Variants in PPARD observed in about 807,000 individuals in gnomAD.
The protein encoded by PPARD is peroxisome proliferator-activated receptor delta.
PPARD carries 6 observed loss-of-function variants against 39.5 expected under a neutral mutation model. That is an observed-to-expected ratio of 0.15 (90% CI 0.08 to 0.30). The LOEUF is 0.30. Among genes scored for constraint, PPARD ranks in the 10% least tolerant of loss-of-function variants. The probability of loss-of-function intolerance (pLI) is 1.00; values close to 1 mark genes in which losing one functional copy is unlikely to be tolerated. For synonymous variants in PPARD, 210 were observed against 231.3 expected (o/e 0.91, Z 0.83); for missense variants, 397 against 596.8 (o/e 0.67, Z 3.49).
chr6:35,397,129 C>G (rs554047547), intron 2 of PPARD, among the ~76,000 whole-genome samples: 1 of 151,994 alleles, frequency 6.6e-6, no homozygotes, highest in African/African-American at 2.4e-5. Flanking sequence ...TTATCTTTCG[C>G]CCTGAAAATA....
chr6:35,384,995 C>T (rs1196256228), intron 2 of PPARD, among the ~76,000 whole-genome samples: 2 of 141,774 alleles, frequency 1.4e-5, no homozygotes, highest in Non-Finnish European at 3.0e-5. Context: ...CCAGCCGCCC[C>T]GTCCGGGAGG....
chr6:35,377,940 G>A (rs1162037814), intron 2 of PPARD, among the ~76,000 whole-genome samples: 2 of 149,306 alleles, frequency 1.3e-5, no homozygotes, highest in Admixed American at 6.7e-5. Flanking sequence ...CTTGGCTCAC[G>A]GCAACCTCTG....
Position 35,426,224 on chromosome 6 carries a change from G to A in PPARD, c.*145G>A, listed in dbSNP as rs757454614. ...TCGCCCTCAGACACATGACACCCAC[G>A]GCCTCTGGCTCCCTGTGCCCTCTCT... is the stretch of plus-strand genomic sequence containing the variant. On this transcript the variant is annotated 3_prime_UTR_variant, in exon 8 of 8. Coordinates refer to ENST00000360694, the MANE Select transcript of PPARD (RefSeq NM_006238.5). 1.6e-5 allele frequency: 18 copies of A among 1,121,548 alleles called. No homozygotes were observed. The highest frequency in any genetic ancestry group is 3.1e-5 in the African/African-American group (2 of 63,532). 69.5% of individuals were successfully genotyped at this position (1,121,548 alleles called of 1,614,324 possible).
At chr6:35,408,298 A>G (rs1295219439) in intron 2 of PPARD, among the ~76,000 whole-genome samples, 3 of 152,190 alleles carry the variant, frequency 2.0e-5, no homozygotes, top group African/African-American at 7.2e-5. Context: ...GCCAATGAAC[A>G]CTGTAGCTGC....
intron 2 of PPARD, among the ~76,000 whole-genome samples, chr6:35,367,463 A>G (rs745798588): frequency 6.6e-6 from 1 of 152,192 alleles, no homozygotes; most frequent in African/African-American, 2.4e-5. Flanking sequence ...ACACAACCCT[A>G]TTCAGGTTAT....
chr6:35,347,623 T>TG (rs1760947340), intron 2 of PPARD, among the ~76,000 whole-genome samples: 1 of 152,068 alleles, frequency 6.6e-6, no homozygotes, highest in Non-Finnish European at 1.5e-5. Context: ...TTTGTTTGTT[T>TG]TTGAGACGAA....
chr6:35,420,057 G>A, intron 3 of PPARD, 70 bp from the exon 4 acceptor site: 2 of 1,561,238 alleles, frequency 1.3e-6, no homozygotes, highest in East Asian at 4.6e-5. Flanking sequence ...GAGGGCTGTG[G>A]GGCTGTTCCC....
chr6:35,380,476 G>GTTTTTTTTTTTTTTTTTTTTT (rs71002557), intron 2 of PPARD, among the ~76,000 whole-genome samples: 3 of 67,142 alleles, frequency 4.5e-5, no homozygotes, highest in Non-Finnish European at 5.6e-5. Flanking sequence ...TTTTTTGTTT[G>GTTTTTTTTTTTTTTTTTTTTT]TTTTTTTTTT....
chr6:35,344,918 T>C (rs1792082303), intron 1 of PPARD, among the ~76,000 whole-genome samples: 1 of 152,334 alleles, frequency 6.6e-6, no homozygotes, highest in East Asian at 1.9e-4. Flanking sequence ...ACCAGAGGGT[T>C]TTCCTTGTTC....
chr6:35,424,901 C>T lies in PPARD; in HGVS notation c.1078+122C>T. ...TGGGGAAGTGTCCCTGTGATCTTGG[C>T]AGTGGAACATGCAAGGCACTGACTG... is the stretch of plus-strand genomic sequence containing the variant. On this transcript the variant is annotated intron_variant, in intron 7 of 7. Coordinates refer to ENST00000360694, the MANE Select transcript of PPARD (RefSeq NM_006238.5). The surrounding 1 kb of genome is among the most constrained non-coding windows in gnomAD (Gnocchi z 7.1). The T allele has an allele frequency of 1.4e-6, 2 of 1,467,874 alleles. No individual in the cohort carries two copies. Among genetic ancestry groups the T allele is most frequent in the East Asian group, 4.8e-5 (2 of 41,326 alleles). The allele number at this position is 1,467,874 out of a possible 1,614,324, so 90.9% of individuals were successfully genotyped here.
intron 2 of PPARD, among the ~76,000 whole-genome samples, chr6:35,399,931 T>G (rs1238434535): frequency 1.3e-5 from 2 of 152,214 alleles, no homozygotes; most frequent in African/African-American, 4.8e-5. Flanking sequence ...ATTGGGCCAT[T>G]TCTGATTTTT....
intron 2 of PPARD, among the ~76,000 whole-genome samples, chr6:35,405,408 G>A (rs548226455): frequency 3.3e-5 from 5 of 152,064 alleles, no homozygotes; most frequent in East Asian, 1.9e-4. Flanking sequence ...TGCTGCATTC[G>A]TGCCCCCTCA....
At position 35,425,324 on chromosome 6, in the gene PPARD, G is replaced by A. The variant is rs975641473; in HGVS notation, c.1079-508G>A. ...CAGTATGCTGTCATGTTAATGTGGG[G>A]TGGAAAAATTGTCTGCATTTTTTCT... is the stretch of plus-strand genomic sequence containing the variant. On this transcript the variant is annotated intron_variant, in intron 7 of 7. Coordinates refer to ENST00000360694, the MANE Select transcript of PPARD (RefSeq NM_006238.5). The surrounding 1 kb of genome is among the most constrained non-coding windows in gnomAD (Gnocchi z 4.5). 3.0e-6 allele frequency: 3 copies of A among 1,008,142 alleles called. No homozygotes were observed. The highest frequency in any genetic ancestry group is 3.6e-6 in the Non-Finnish European group (3 of 843,600). 62.4% of individuals were successfully genotyped at this position (1,008,142 alleles called of 1,614,324 possible).
chr6:35,347,384 C>T (rs1446956824), intron 2 of PPARD, among the ~76,000 whole-genome samples: 1 of 152,116 alleles, frequency 6.6e-6, no homozygotes, highest in East Asian at 1.9e-4. Context: ...CCCACCTTTG[C>T]GCCCATTAAA....
At chr6:35,402,556 C>T (rs2150736557) in intron 2 of PPARD, among the ~76,000 whole-genome samples, 1 of 152,296 alleles carries the variant, frequency 6.6e-6, no homozygotes. Context: ...TAGGGGGCTG[C>T]CTCTTGGGGC....
chr6:35,423,488 G>A (rs1180302880), intron 5 of PPARD, among the ~76,000 whole-genome samples: 5 of 151,412 alleles, frequency 3.3e-5, no homozygotes, highest in African/African-American at 9.7e-5. Context: ...AGCCGAGATC[G>A]TGCCACTGCA....
intron 2 of PPARD, among the ~76,000 whole-genome samples, chr6:35,409,098 C>T (rs933013945): frequency 1.3e-5 from 2 of 152,082 alleles, no homozygotes; most frequent in Admixed American, 6.6e-5. Context: ...AATCATACAT[C>T]GGCATCTTGA....
chr6:35,416,298 C>G (rs564795418), intron 3 of PPARD, among the ~76,000 whole-genome samples: 42 of 137,420 alleles, frequency 3.1e-4, no homozygotes, highest in Non-Finnish European at 5.6e-4. Context: ...CGCTTGAACC[C>G]GGGAGGCAGA....
At position 35,366,390 on chromosome 6, in the gene PPARD, G is replaced by A. The variant is rs1215803494; in HGVS notation, c.-102+19240G>A. 6.6e-6 allele frequency among the ~76,000 whole-genome samples: 1 copy of A among 151,626 alleles called. No individual in the cohort carries two copies. The highest frequency in any genetic ancestry group is 1.5e-5 in the Non-Finnish European group (1 of 68,030). On this transcript the variant is annotated intron_variant, in intron 2 of 7. Transcript: ENST00000360694. The surrounding 1 kb of genome is among the most constrained non-coding windows in gnomAD (Gnocchi z 4.6). Reference sequence around the variant, plus strand: ...CTGAGAACAGTGTGAGCCATGGAAGGTCTTTGAGCAGGAGAATAATGTGAT... The same window carrying A: ...CTGAGAACAGTGTGAGCCATGGAAGATCTTTGAGCAGGAGAATAATGTGAT...
Sources: gnomAD v4.1 joint callset for allele counts (sites outside exome capture counted in the v4.1 genomes callset) on GRCh38, gnomAD v4.1.1 for gene constraint, Gnocchi (gnomAD v3.1) non-coding constraint, MANE v1.5 for transcripts, NCBI Gene and HGNC (gene_info 2026-07-23, HGNC 2026-07-21) for gene names.